RGS6: variants seen among roughly 807,000 people sequenced by gnomAD.
The protein encoded by RGS6 is regulator of G protein signaling 6, also known as regulator of G-protein signaling 6.
A neutral mutation model predicts 78.5 loss-of-function variants in RGS6; 30 were observed. The observed-to-expected ratio is 0.38, with a 90% CI of 0.29 to 0.52. RGS6 has a LOEUF of 0.52. Ranked by LOEUF, RGS6 falls within the 20% of genes least tolerant of loss-of-function variation. The pLI is 0.85. For missense variants in RGS6, 495 were observed against 609.7 expected (o/e 0.81, Z 1.98); for synonymous variants, 206 against 206.0 (o/e 1.00, Z 0.00).
intron 15 of RGS6, among the ~76,000 whole-genome samples, chr14:72,534,146 C>T (rs572708555): frequency 6.6e-6 from 1 of 152,328 alleles, no homozygotes; most frequent in South Asian, 2.1e-4. Flanking sequence ...CAATCACCAC[C>T]CTAATCAGTC....
intron 2 of RGS6, among the ~76,000 whole-genome samples, chr14:72,348,754 C>T (rs1269150527): frequency 6.6e-6 from 1 of 152,228 alleles, no homozygotes; most frequent in African/African-American, 2.4e-5. Context: ...GTCACTGACA[C>T]TGAATGTCAA....
At chr14:71,920,320 G>A in the RGS6 span, among the ~76,000 whole-genome samples, 4 of 152,148 alleles carry the variant, frequency 2.6e-5, no homozygotes, top group Non-Finnish European at 5.9e-5. Context: ...GGCCACCTTT[G>A]TCTTCACAAT....
intron 2 of RGS6, among the ~76,000 whole-genome samples, chr14:72,188,029 CT>C (rs557931927): frequency 3.3e-4 from 48 of 147,158 alleles, no homozygotes; most frequent in East Asian, 4.0e-4. Context: ...CATTTTTCTG[CT>C]TTTTTTTTTG....
intron 1 of RGS6, among the ~76,000 whole-genome samples, chr14:71,959,499 T>A (rs1411897149): frequency 6.6e-6 from 1 of 152,212 alleles, no homozygotes; most frequent in African/African-American, 2.4e-5. Context: ...TTTCCCTGAA[T>A]AGGGTTTTGA....
At chr14:71,981,680 T>C (rs1436797973) in intron 2 of RGS6, among the ~76,000 whole-genome samples, 2 of 151,648 alleles carry the variant, frequency 1.3e-5, no homozygotes, top group African/African-American at 4.9e-5. Context: ...GAACCACTGC[T>C]CTCTTCAAAG....
chr14:72,155,209 G>T (rs1299156505), intron 2 of RGS6, among the ~76,000 whole-genome samples: 1 of 152,214 alleles, frequency 6.6e-6, no homozygotes, highest in Non-Finnish European at 1.5e-5. Flanking sequence ...TCTCTGGTTA[G>T]CTCAGGTCTT....
intron 2 of RGS6, among the ~76,000 whole-genome samples, chr14:72,000,401 T>C (rs772820381): frequency 1.3e-5 from 2 of 152,072 alleles, no homozygotes; most frequent in Admixed American, 6.5e-5. Context: ...GGTAAAGTAA[T>C]GGGCCCCATC....
At chr14:72,422,285 T>G (rs889508190) in intron 3 of RGS6, among the ~76,000 whole-genome samples, 2 of 152,218 alleles carry the variant, frequency 1.3e-5, no homozygotes, top group Non-Finnish European at 2.9e-5. Context: ...ACAAATGGGA[T>G]GTAAAAATAA....
chr14:72,629,255 T>A, the RGS6 span, among the ~76,000 whole-genome samples: 1 of 152,360 alleles, frequency 6.6e-6, no homozygotes, highest in East Asian at 1.9e-4. Flanking sequence ...ATTGGACGTG[T>A]ACTGATCTTT....
At chr14:72,121,612 T>G (rs913740363) in intron 2 of RGS6, among the ~76,000 whole-genome samples, 1 of 152,184 alleles carries the variant, frequency 6.6e-6, no homozygotes, top group Non-Finnish European at 1.5e-5. Context: ...TATTGCTGCC[T>G]TCTTTCTCAT....
At chr14:72,041,064 T>G (rs138949079) in intron 2 of RGS6, among the ~76,000 whole-genome samples, 28 of 152,336 alleles carry the variant, frequency 1.8e-4, no homozygotes, top group African/African-American at 6.7e-4. Flanking sequence ...TCAGGTAATT[T>G]ATAGATATCT....
chr14:72,176,017 G>A (rs149657), intron 2 of RGS6, among the ~76,000 whole-genome samples: 109,095 of 152,044 alleles, frequency 0.72, 39,312 homozygotes, highest in East Asian at 0.91. Flanking sequence ...GAGCTTATTG[G>A]AAGGACATGG....
chr14:72,001,567 A>G (rs920381159), intron 2 of RGS6, among the ~76,000 whole-genome samples: 7 of 151,748 alleles, frequency 4.6e-5, no homozygotes, highest in Non-Finnish European at 1.0e-4. Context: ...TCACCAAACT[A>G]ACTCTAGAGT....
intron 2 of RGS6, among the ~76,000 whole-genome samples, chr14:72,015,384 A>G (rs1314699712): frequency 6.6e-6 from 1 of 152,244 alleles, no homozygotes; most frequent in Non-Finnish European, 1.5e-5. Context: ...CCAACCTCCA[A>G]CATTGGGGAT....
At chr14:72,403,209 A>T (rs139675187) in intron 3 of RGS6, among the ~76,000 whole-genome samples, 3 of 152,256 alleles carry the variant, frequency 2.0e-5, no homozygotes, top group African/African-American at 7.2e-5. Flanking sequence ...CTAAGTGTCC[A>T]TCGACAGATG....
chr14:71,872,717 A>G, the RGS6 span, among the ~76,000 whole-genome samples: 2 of 152,168 alleles, frequency 1.3e-5, no homozygotes, highest in South Asian at 4.1e-4. Flanking sequence ...ATATGTATAC[A>G]TGTGCCATGT....
chr14:72,207,842 C>A (rs1402057), intron 2 of RGS6, among the ~76,000 whole-genome samples: 8,372 of 152,214 alleles, frequency 0.055, 536 homozygotes, highest in African/African-American at 0.16. Context: ...AAGCTGTCCA[C>A]GCTTCAGGCT....
chr14:72,415,689 C>T (rs11158954), intron 3 of RGS6, among the ~76,000 whole-genome samples: 30,898 of 152,148 alleles, frequency 0.2, 3,648 homozygotes, highest in South Asian at 0.33. Flanking sequence ...TCCACCCCCC[C>T]GGCAACTGCC....
At chr14:72,459,235 A>G (rs927871871) in intron 5 of RGS6, among the ~76,000 whole-genome samples, 1 of 152,184 alleles carries the variant, frequency 6.6e-6, no homozygotes, top group African/African-American at 2.4e-5. Flanking sequence ...GGCAGAGGAT[A>G]TGGGCTTGAA....
Sources: gnomAD v4.1 joint callset for allele counts (sites outside exome capture counted in the v4.1 genomes callset) on GRCh38, gnomAD v4.1.1 for gene constraint, MANE v1.5 for transcripts, NCBI Gene and HGNC (gene_info 2026-07-23, HGNC 2026-07-21) for gene names.